Variants in MYT1L observed in about 807,000 individuals in gnomAD.
MYT1L encodes the protein myelin transcription factor 1-like protein.
MYT1L carries 12 observed loss-of-function variants against 126.7 expected under a neutral mutation model. The observed-to-expected ratio is 0.09, with a 90% CI of 0.06 to 0.15. The LOEUF is 0.15. MYT1L is among the 10% of genes least tolerant of loss of function. The pLI, the probability that MYT1L is intolerant of heterozygous loss-of-function variation, is 1.00. For missense variants in MYT1L, 979 were observed against 1,585.2 expected (o/e 0.62, Z 6.49); for synonymous variants, 541 against 604.2 (o/e 0.90, Z 1.53).
intron 4 of MYT1L, among the ~76,000 whole-genome samples, chr2:2,016,442 C>T (rs1227416191): frequency 3.9e-5 from 6 of 152,196 alleles, no homozygotes; most frequent in South Asian, 2.1e-4. Flanking sequence ...GGGAAGCACA[C>T]GAAACCCTAG....
At chr2:2,139,746 A>C (rs1459438579) in intron 3 of MYT1L, among the ~76,000 whole-genome samples, 2 of 152,218 alleles carry the variant, frequency 1.3e-5, no homozygotes, top group Non-Finnish European at 2.9e-5. Flanking sequence ...TTATGGCTGA[A>C]GACTGAGTAG....
chr2:2,073,997 T>C (rs1307518408), intron 3 of MYT1L, among the ~76,000 whole-genome samples: 3 of 152,184 alleles, frequency 2.0e-5, no homozygotes, highest in Admixed American at 6.5e-5. Context: ...AGGCCCTGTA[T>C]ATGGTCATTT....
At chr2:2,121,120 T>C (rs2080942326) in intron 3 of MYT1L, among the ~76,000 whole-genome samples, 2 of 152,242 alleles carry the variant, frequency 1.3e-5, no homozygotes, top group Admixed American at 1.3e-4. Context: ...CTTTTAAACA[T>C]GATTCCATGT....
chr2:2,329,049 G>A (rs1159771751), intron 1 of MYT1L, among the ~76,000 whole-genome samples: 1 of 152,136 alleles, frequency 6.6e-6, no homozygotes, highest in East Asian at 1.9e-4. Context: ...TATCAGCTGC[G>A]GACAGCTCCT....
chr2:2,305,586 A>T (rs1021695349), intron 1 of MYT1L, among the ~76,000 whole-genome samples: 1 of 152,192 alleles, frequency 6.6e-6, no homozygotes, highest in Non-Finnish European at 1.5e-5. Flanking sequence ...GTCCATTCTC[A>T]CACTGCTATA....
chr2:2,222,331 C>T (rs1266604086), intron 2 of MYT1L, among the ~76,000 whole-genome samples: 1 of 151,928 alleles, frequency 6.6e-6, no homozygotes, highest in Non-Finnish European at 1.5e-5. Context: ...CCTGTCTCTA[C>T]TAAAAATACA....
chr2:1,959,757 T>C (rs2058807015), intron 8 of MYT1L, among the ~76,000 whole-genome samples: 1 of 152,150 alleles, frequency 6.6e-6, no homozygotes, highest in South Asian at 2.1e-4. Context: ...TGCACATTCT[T>C]TGAATCAGCT....
At chr2:1,950,709 G>C (rs1199088682) in intron 8 of MYT1L, among the ~76,000 whole-genome samples, 2 of 152,208 alleles carry the variant, frequency 1.3e-5, no homozygotes, top group East Asian at 3.9e-4. Context: ...GGTGGTCAGA[G>C]GCTGGAGGTG....
chr2:2,257,845 C>T (rs1191399996), intron 2 of MYT1L, among the ~76,000 whole-genome samples: 11 of 149,140 alleles, frequency 7.4e-5, no homozygotes, highest in Admixed American at 3.3e-4. Flanking sequence ...TCAATGCCAT[C>T]CCCATCAAGC....
chr2:1,875,086 ATG>A (rs1558238298), intron 18 of MYT1L, among the ~76,000 whole-genome samples: 1 of 138,856 alleles, frequency 7.2e-6, no homozygotes, highest in Non-Finnish European at 1.7e-5. Context: ...AATGGGCAAC[ATG>A]TGCTGAGGGG....
chr2:1,997,802 C>T (rs945703905), intron 4 of MYT1L, among the ~76,000 whole-genome samples: 4 of 152,338 alleles, frequency 2.6e-5, no homozygotes, highest in South Asian at 4.1e-4. Context: ...TGTGATGTCT[C>T]CAGGGACTTC....
chr2:2,316,017 T>A (rs539279120), intron 1 of MYT1L, among the ~76,000 whole-genome samples: 8 of 152,306 alleles, frequency 5.3e-5, no homozygotes, highest in African/African-American at 1.7e-4. Context: ...AATAGTGGGT[T>A]GCTGTGTTAA....
chr2:2,157,667 C>G (rs1282547150), intron 3 of MYT1L, among the ~76,000 whole-genome samples: 2 of 152,164 alleles, frequency 1.3e-5, no homozygotes, highest in African/African-American at 4.8e-5. Context: ...CTGGGCCTTC[C>G]ACTGGAGCAA....
At chr2:1,931,446 G>A (rs1420773050) in intron 9 of MYT1L, among the ~76,000 whole-genome samples, 1 of 151,386 alleles carries the variant, frequency 6.6e-6, no homozygotes, top group Non-Finnish European at 1.5e-5. Flanking sequence ...CGTCTGCTGC[G>A]CCTTGCAAGT....
rs892485619 is a variant in MYT1L at position 1,789,367 on chromosome 2, ATTAC to A, written c.*2496_*2499del. 15 of 152,248 alleles carry A rather than the reference ATTAC, an allele frequency of 9.9e-5. No homozygotes were observed. Among genetic ancestry groups the A allele is most frequent in the African/African-American group, 3.6e-4 (15 of 41,460 alleles). The allele number at this position is 152,248 out of a possible 1,614,324, so 9.4% of individuals were successfully genotyped here. A position where few individuals can be genotyped will look rare whatever the true frequency, so the allele number is the denominator to read the frequency against. The stretch of plus-strand genomic sequence containing the variant: ...ATACAAAATTCTGTCTTAATAAATG[ATTAC>A]TTAAATTAACTTAGAAATGAATATG... On this transcript the variant is annotated 3_prime_UTR_variant, in exon 25 of 25. Transcript: ENST00000647738.
intron 9 of MYT1L, among the ~76,000 whole-genome samples, chr2:1,925,285 GA>G (rs2054076061): frequency 6.6e-6 from 1 of 152,210 alleles, no homozygotes; most frequent in African/African-American, 2.4e-5. Context: ...AACAAGGAAA[GA>G]AAAAGCCTGT....
intron 3 of MYT1L, among the ~76,000 whole-genome samples, chr2:2,065,874 C>T (rs1448842918): frequency 1.3e-5 from 2 of 149,258 alleles, no homozygotes; most frequent in African/African-American, 2.5e-5. Flanking sequence ...ACACACAGAG[C>T]ATCTAGAACC....
At chr2:2,116,114 A>T (rs755602598) in intron 3 of MYT1L, among the ~76,000 whole-genome samples, 7 of 152,236 alleles carry the variant, frequency 4.6e-5, no homozygotes, top group Non-Finnish European at 1.0e-4. Context: ...TGTTCAATGA[A>T]CACGTTCTGT....
At chr2:2,156,520 T>C (rs1352926820) in intron 3 of MYT1L, among the ~76,000 whole-genome samples, 1 of 152,264 alleles carries the variant, frequency 6.6e-6, no homozygotes, top group East Asian at 1.9e-4. Flanking sequence ...TCCTTTCTCA[T>C]AAGCAAATTT....
Sources: gnomAD v4.1 joint callset for allele counts (sites outside exome capture counted in the v4.1 genomes callset) on GRCh38, gnomAD v4.1.1 for gene constraint, MANE v1.5 for transcripts, NCBI Gene and HGNC (gene_info 2026-07-23, HGNC 2026-07-21) for gene names.